HSD17B4: variants seen among roughly 807,000 people sequenced by gnomAD.
The protein encoded by HSD17B4 is hydroxysteroid 17-beta dehydrogenase 4.
Under a neutral mutation model 101.0 loss-of-function variants are expected in HSD17B4, and 70 were observed. The ratio of observed to expected loss-of-function variants is 0.69; its 90% CI spans 0.57 to 0.85. The LOEUF (loss-of-function observed/expected upper bound fraction) is 0.85, where lower values mean the gene tolerates loss of function less well. HSD17B4 is among the 40% of genes least tolerant of loss of function. HSD17B4 has a pLI of 0.00. For synonymous variants in HSD17B4, 347 were observed against 297.1 expected, an observed-to-expected ratio of 1.17 and a Z score of -1.73; for missense variants, 984 against 892.4, an observed-to-expected ratio of 1.10 and a Z score of -1.31.
At chr5:119,489,121 A>G (rs2126739671) in intron 8 of HSD17B4, 71 bp from the exon 9 acceptor site, 1 of 1,047,678 alleles carries the variant, frequency 9.5e-7, no homozygotes, top group South Asian at 1.3e-5. Context: ...TGAATTACCT[A>G]TAATTTTATA....
intron 2 of HSD17B4, among the ~76,000 whole-genome samples, chr5:119,469,018 A>G (rs920664020): frequency 2.0e-5 from 3 of 150,362 alleles, no homozygotes; most frequent in Non-Finnish European, 4.4e-5. Flanking sequence ...ATCTTACACG[A>G]GTGTGAACAC....
chr5:119,463,655 CT>C (rs57252147), intron 2 of HSD17B4, among the ~76,000 whole-genome samples: 4,680 of 28,950 alleles, frequency 0.16, 182 homozygotes, highest in Non-Finnish European at 0.27. Context: ...ATTTATATGT[CT>C]TTTTTTTTTT....
At chr5:119,458,378 C>G (rs1754885022) in intron 2 of HSD17B4, among the ~76,000 whole-genome samples, 1 of 149,398 alleles carries the variant, frequency 6.7e-6, no homozygotes, top group South Asian at 2.1e-4. Context: ...GAGTCTTGCT[C>G]TGTTGCCCAG....
intron 2 of HSD17B4, among the ~76,000 whole-genome samples, chr5:119,459,875 T>C (rs1040331221): frequency 4.2e-5 from 6 of 141,590 alleles, no homozygotes; most frequent in African/African-American, 1.3e-4. Flanking sequence ...CCACATCTCT[T>C]TTTTTTTTTT....
At chr5:119,473,273 C>CCT (rs369162095) in intron 2 of HSD17B4, among the ~76,000 whole-genome samples, 4 of 36,964 alleles carry the variant, frequency 1.1e-4, no homozygotes, top group African/African-American at 3.2e-4. Context: ...GTGGATGAAT[C>CCT]TTTTTTTTTT....
intron 17 of HSD17B4, among the ~76,000 whole-genome samples, chr5:119,524,624 G>A (rs1423252590): frequency 1.3e-5 from 2 of 152,036 alleles, no homozygotes; most frequent in South Asian, 2.1e-4. Context: ...TCCAGGCCAC[G>A]CTGCTAATCC....
chr5:119,502,203 A>C, intron 14 of HSD17B4, 111 bp downstream of exon 14: 8 of 755,312 alleles, frequency 1.1e-5, no homozygotes, highest in Non-Finnish European at 1.4e-5. Flanking sequence ...GAAACATATC[A>C]CAAATTGTTA....
At chr5:119,529,451 T>C (rs961101864) in intron 20 of HSD17B4, among the ~76,000 whole-genome samples, 5 of 152,202 alleles carry the variant, frequency 3.3e-5, no homozygotes, top group Admixed American at 6.5e-5. Flanking sequence ...GTACTTTGAG[T>C]ACCATTACCT....
At chr5:119,468,011 G>C (rs1755986693) in intron 2 of HSD17B4, among the ~76,000 whole-genome samples, 1 of 151,742 alleles carries the variant, frequency 6.6e-6, no homozygotes. Flanking sequence ...CATTTAATTG[G>C]GAAATTTAAT....
At chr5:119,517,415 G>A (rs1046460829) in intron 17 of HSD17B4, among the ~76,000 whole-genome samples, 2 of 152,166 alleles carry the variant, frequency 1.3e-5, no homozygotes, top group Non-Finnish European at 2.9e-5. Flanking sequence ...TGTGCAGCTC[G>A]AGCCTCCCTG....
chr5:119,474,608 A>T (rs1055684347), intron 4 of HSD17B4, 148 bp downstream of exon 4: 3 of 683,394 alleles, frequency 4.4e-6, no homozygotes, highest in Non-Finnish European at 5.3e-6. Flanking sequence ...TATTGTACTT[A>T]TTTCATAAAG....
At chr5:119,507,468 G>A (rs1402658095) in intron 15 of HSD17B4, among the ~76,000 whole-genome samples, 2 of 152,124 alleles carry the variant, frequency 1.3e-5, no homozygotes, top group African/African-American at 4.8e-5. Context: ...TAAACATAAG[G>A]TGAAGATATG....
At chr5:119,530,871 C>T (rs201392942) in intron 21 of HSD17B4, among the ~76,000 whole-genome samples, 1 of 93,490 alleles carries the variant, frequency 1.1e-5, no homozygotes, top group Non-Finnish European at 2.2e-5. Flanking sequence ...AAACAAAAAA[C>T]AAAAAAAACC....
intron 16 of HSD17B4, chr5:119,509,545 G>T (rs1751981552): frequency 4.4e-6 from 2 of 449,980 alleles, no homozygotes; most frequent in Non-Finnish European, 8.2e-6. Flanking sequence ...ATTTTTCCTA[G>T]TTTCTTCTTC....
chr5:119,473,691 A>G lies in HSD17B4; in HGVS notation c.113-217A>G, dbSNP rs1208488684. Among the ~76,000 whole-genome samples, 5 of 152,114 alleles carry G rather than the reference A, an allele frequency of 3.3e-5. No homozygotes were observed. In the South Asian group the frequency reaches 6.2e-4, roughly 19 times the overall value. On this transcript the variant is annotated intron_variant, in intron 2 of 23. Coordinates refer to ENST00000510025, the MANE Select transcript of HSD17B4 (RefSeq NM_000414.4). ...TTTCATGAGAACAACCTGTATTTAAATAGTTTTGCTGTTTCTTTATGTCTG... is the reference window on the plus strand; with the variant it reads ...TTTCATGAGAACAACCTGTATTTAAGTAGTTTTGCTGTTTCTTTATGTCTG...
chr5:119,509,469 G>A lies in HSD17B4; in HGVS notation c.1437+225G>A, dbSNP rs1316923465. 8.9e-6 allele frequency: 6 copies of A among 675,322 alleles called. No homozygotes were observed. In the South Asian group the frequency reaches 9.2e-5, roughly 10 times the overall value. 41.8% of individuals were successfully genotyped at this position (675,322 alleles called of 1,614,324 possible). A position where few individuals can be genotyped will look rare whatever the true frequency, so the allele number is the denominator to read the frequency against. Reference sequence around the variant, plus strand: ...GGATGATGAGGATGAAGACCTTTATGATGATCTACTTCCACTTACTGAATA... The same window carrying A: ...GGATGATGAGGATGAAGACCTTTATAATGATCTACTTCCACTTACTGAATA... On this transcript the variant is annotated intron_variant, in intron 16 of 23. Coordinates refer to ENST00000510025, the MANE Select transcript of HSD17B4 (RefSeq NM_000414.4).
intron 23 of HSD17B4, 95 bp downstream of exon 23, chr5:119,536,645 G>A (rs1754567093): frequency 2.5e-6 from 3 of 1,179,226 alleles, no homozygotes; most frequent in Non-Finnish European, 3.8e-6. Flanking sequence ...TGATTTATAA[G>A]CCAGGTTTCT....
rs143043176 is a variant in HSD17B4 at position 119,460,424 on chromosome 5, C to G, written c.112+4056C>G. On this transcript the variant is annotated intron_variant, in intron 2 of 23. Coordinates refer to ENST00000510025, the MANE Select transcript of HSD17B4 (RefSeq NM_000414.4). ...ATAAATGAGCCGTACATGAAATACCCACATCTCCCTTGGATACCTCCATGA... is the reference window on the plus strand; with the variant it reads ...ATAAATGAGCCGTACATGAAATACCGACATCTCCCTTGGATACCTCCATGA... 8.9e-4 allele frequency among the ~76,000 whole-genome samples: 136 copies of G among 152,294 alleles called. 1 individual carries two copies. Among genetic ancestry groups the G allele is most frequent in the African/African-American group, 3.2e-3 (132 of 41,554 alleles).
intron 17 of HSD17B4, among the ~76,000 whole-genome samples, chr5:119,515,725 G>C (rs1752550152): frequency 6.6e-6 from 1 of 152,136 alleles, no homozygotes. Context: ...TAACCATGCA[G>C]ATATAGCATA....
Sources: allele counts gnomAD v4.1 joint callset (sites outside exome capture counted in the v4.1 genomes callset), GRCh38; gene constraint gnomAD v4.1.1; transcripts MANE v1.5; gene names NCBI Gene and HGNC (gene_info 2026-07-23, HGNC 2026-07-21).